TXNDC12: variants seen among roughly 807,000 people sequenced by gnomAD.
The protein encoded by TXNDC12 is thioredoxin domain-containing protein 12.
In TXNDC12, 22 loss-of-function variants were observed where a neutral mutation model predicts 24.2. The ratio of observed to expected loss-of-function variants is 0.91; its 90% CI spans 0.65 to 1.30. The LOEUF is 1.30. TXNDC12 is among the 50% of genes most tolerant of loss of function. TXNDC12 has a pLI of 0.00. For missense variants in TXNDC12, 184 were observed against 205.8 expected, an observed-to-expected ratio of 0.89 and a Z score of 0.65; for synonymous variants, 58 against 73.4, an observed-to-expected ratio of 0.79 and a Z score of 1.07.
intron 4 of TXNDC12, 67 bp downstream of exon 4, chr1:52,027,208 G>T: frequency 8.2e-7 from 1 of 1,226,168 alleles, no homozygotes; most frequent in Non-Finnish European, 1.2e-6. Flanking sequence ...TAATGAATAT[G>T]CACGAATGAT....
chr1:52,053,188 G>A (rs186555805), intron 1 of TXNDC12, among the ~76,000 whole-genome samples: 1 of 151,744 alleles, frequency 6.6e-6, no homozygotes, highest in East Asian at 1.9e-4. Context: ...ATTTGAACCC[G>A]GGAGGCAGAA....
At chr1:52,046,007 G>C (rs1397161599) in intron 1 of TXNDC12, among the ~76,000 whole-genome samples, 1 of 152,062 alleles carries the variant, frequency 6.6e-6, no homozygotes, top group African/African-American at 2.4e-5. Flanking sequence ...GAGCCCAGGA[G>C]TTTGAGACTA....
chr1:52,035,031 T>TG (rs1416975532), intron 2 of TXNDC12, among the ~76,000 whole-genome samples: 1 of 152,208 alleles, frequency 6.6e-6, no homozygotes, highest in Non-Finnish European at 1.5e-5. Flanking sequence ...CCCAAAGTGC[T>TG]GGGGTTAAAG....
intron 4 of TXNDC12, among the ~76,000 whole-genome samples, chr1:52,026,497 A>G (rs779686525): frequency 2.6e-4 from 39 of 152,212 alleles, no homozygotes; most frequent in Admixed American, 5.9e-4. Context: ...GTTGAATCAC[A>G]TTTTGCAGAA....
intron 6 of TXNDC12, among the ~76,000 whole-genome samples, chr1:52,022,265 A>C (rs1685608845): frequency 6.6e-6 from 1 of 152,178 alleles, no homozygotes; most frequent in South Asian, 2.1e-4. Context: ...TCCCTTTCAT[A>C]GATGAGGGGA....
chr1:52,040,108 T>G (rs1179996622), intron 2 of TXNDC12, among the ~76,000 whole-genome samples: 1 of 152,030 alleles, frequency 6.6e-6, no homozygotes, highest in Non-Finnish European at 1.5e-5. Context: ...AATTTTTGTA[T>G]TTTTAGTAGA....
chr1:52,053,378 T>C (rs2124398227), intron 1 of TXNDC12, among the ~76,000 whole-genome samples: 1 of 151,420 alleles, frequency 6.6e-6, no homozygotes, highest in Middle Eastern at 3.5e-3. Context: ...AAATATACAG[T>C]AGCTGGCTGG....
At chr1:52,051,732 C>G (rs1004144937) in intron 1 of TXNDC12, 1 of 169,274 alleles carries the variant, frequency 5.9e-6, no homozygotes, top group African/African-American at 2.4e-5. Context: ...GCTGCTTCTT[C>G]TTAATGAAAA....
At chr1:52,048,442 G>A (rs1410496692) in intron 1 of TXNDC12, among the ~76,000 whole-genome samples, 2 of 150,562 alleles carry the variant, frequency 1.3e-5, no homozygotes, top group African/African-American at 4.9e-5. Context: ...CTCTAGCTCG[G>A]GCAACAGAGG....
rs755289298 is a variant in TXNDC12, at chr1:52,041,609, G to T, written c.98-12C>A. ...ATGATCTCCAAAACCTGGAAGGAAA[G>T]AACTTTATAAGCATTCACATAATGA... is the stretch of plus-strand genomic sequence containing the variant. On this transcript the variant is annotated splice_polypyrimidine_tract_variant and intron_variant, in intron 1 of 6. Coordinates refer to ENST00000371626, the MANE Select transcript of TXNDC12 (RefSeq NM_015913.4). 3 of 1,598,598 alleles carry T rather than the reference G, an allele frequency of 1.9e-6. No individual in the cohort carries two copies. Among genetic ancestry groups the T allele is most frequent in the Middle Eastern group, 1.7e-4 (1 of 6,026 alleles).
Position 52,027,410 on chromosome 1 carries a change from G to A in TXNDC12, c.212-62C>T, listed in dbSNP as rs535670708. 1.9e-4 allele frequency: 232 copies of A among 1,211,998 alleles called. No individual in the cohort carries two copies. In the African/African-American group the frequency reaches 3.0e-3, roughly 16 times the overall value. The allele number at this position is 1,211,998 out of a possible 1,614,324, so 75.1% of individuals were successfully genotyped here. A position where few individuals can be genotyped will look rare whatever the true frequency, so the allele number is the denominator to read the frequency against. On this transcript the variant is annotated intron_variant, in intron 3 of 6. Coordinates refer to ENST00000371626, the MANE Select transcript of TXNDC12 (RefSeq NM_015913.4). ...ATCATTGTCACAACTAAACCTTAAC[G>A]AACATAAGCATCACTATTTCTCTTT...
At chr1:52,036,202 T>C (rs192102744) in intron 2 of TXNDC12, among the ~76,000 whole-genome samples, 1 of 152,328 alleles carries the variant, frequency 6.6e-6, no homozygotes, top group Admixed American at 6.5e-5. Flanking sequence ...TACTGTTGAC[T>C]GGAAGCCTTA....
chr1:52,055,037 G>T lies in TXNDC12; in HGVS notation c.60C>A (p.Leu20=), dbSNP rs748999447. The T allele has an allele frequency of 6.2e-7, 1 of 1,613,926 alleles. No homozygotes were observed. The highest frequency in any genetic ancestry group is 2.2e-5 in the East Asian group (1 of 44,884). The change falls in exon 1 of 7, where the codon CTC becomes CTA. Residue 20 remains leucine, a synonymous_variant. Transcript: ENST00000371626. ...TCLLGFSFLL[L]VISSDGHNGL... ...CATTATGTCCATCAGAAGAGATGACGAGGAGCAGGAAACTGAAGCCCAGCA... is the reference window on the plus strand; with the variant it reads ...CATTATGTCCATCAGAAGAGATGACTAGGAGCAGGAAACTGAAGCCCAGCA...
chr1:52,024,721 A>C (rs1426730292), intron 4 of TXNDC12, 142 bp from the exon 5 acceptor site: 2 of 617,686 alleles, frequency 3.2e-6, no homozygotes, highest in Admixed American at 5.4e-5. Context: ...TCACCTAGGC[A>C]CTTCTCTAAC....
intron 2 of TXNDC12, among the ~76,000 whole-genome samples, chr1:52,036,232 A>G (rs1399960385): frequency 2.0e-5 from 3 of 152,200 alleles, no homozygotes; most frequent in Non-Finnish European, 4.4e-5. Flanking sequence ...TATTCAGTTA[A>G]CACATATTTT....
chr1:52,038,133 C>G (rs1025053215), intron 2 of TXNDC12, among the ~76,000 whole-genome samples: 6 of 151,904 alleles, frequency 3.9e-5, no homozygotes, highest in Non-Finnish European at 1.5e-5. Context: ...TCCCATGTTG[C>G]CCAGGTTGGT....
chr1:52,054,332 AG>A (rs1446871983), intron 1 of TXNDC12, among the ~76,000 whole-genome samples: 1 of 152,194 alleles, frequency 6.6e-6, no homozygotes, highest in Non-Finnish European at 1.5e-5. Flanking sequence ...AGGGCTGATG[AG>A]GAGAGAGGTG....
intron 2 of TXNDC12, among the ~76,000 whole-genome samples, chr1:52,040,292 T>C (rs1685961008): frequency 6.6e-6 from 1 of 152,008 alleles, no homozygotes; most frequent in Admixed American, 6.6e-5. Context: ...GGCATGGTCT[T>C]AGCTCACTGC....
intron 1 of TXNDC12, among the ~76,000 whole-genome samples, chr1:52,053,105 A>AAC (rs943988748): frequency 6.6e-6 from 1 of 151,068 alleles, no homozygotes; most frequent in African/African-American, 2.4e-5. Context: ...AATACAAAAA[A>AAC]AAAAAAAATT....
Sources: allele counts gnomAD v4.1 joint callset (sites outside exome capture counted in the v4.1 genomes callset), GRCh38; gene constraint gnomAD v4.1.1; transcripts MANE v1.5; gene names NCBI Gene and HGNC (gene_info 2026-07-23, HGNC 2026-07-21).